The following KNDC1 variants were observed in gnomAD, a reference collection of about 807,000 sequenced individuals.
KNDC1 encodes kinase non-catalytic C-lobe domain-containing protein 1.
Under a neutral mutation model 172.8 loss-of-function variants are expected in KNDC1, and 106 were observed. The ratio of observed to expected loss-of-function variants is 0.61; its 90% CI spans 0.52 to 0.72. The LOEUF is 0.72. Ranked by LOEUF, KNDC1 falls within the 30% of genes least tolerant of loss-of-function variation. The pLI is 0.00. For missense variants in KNDC1, 2,325 were observed against 2,394.5 expected, an observed-to-expected ratio of 0.97 and a Z score of 0.61; for synonymous variants, 1,083 against 1,062.2, an observed-to-expected ratio of 1.02 and a Z score of -0.38.
chr10:133,170,705 A>C (rs1484039805), intron 3 of KNDC1, among the ~76,000 whole-genome samples: 1 of 152,254 alleles, frequency 6.6e-6, no homozygotes. Flanking sequence ...TTTTCTTTCC[A>C]AAATTAGTGA....
At chr10:133,204,663 A>G (rs1854473838) in intron 17 of KNDC1, among the ~76,000 whole-genome samples, 1 of 152,330 alleles carries the variant, frequency 6.6e-6, no homozygotes, top group Admixed American at 6.5e-5. Flanking sequence ...TGTCGCCTGC[A>G]TTTTTTTATT....
chr10:133,212,975 A>G, intron 24 of KNDC1, 53 bp downstream of exon 24: 2 of 1,504,918 alleles, frequency 1.3e-6, no homozygotes, highest in Non-Finnish European at 1.8e-6. Context: ...GGGCCCCAGA[A>G]ACACTCCGCG....
chr10:133,201,698 G>T lies in KNDC1; in HGVS notation c.3187G>T (p.Val1063Leu), dbSNP rs143711041. Residue 1063 changes from valine to leucine, a missense_variant, in exon 17 of 30, where the codon GTG becomes TTG. Val to Leu is a conservative substitution (Grantham distance 32). Coordinates refer to ENST00000304613, the MANE Select transcript of KNDC1 (RefSeq NM_152643.8). ...DRRPAGGASDVEAVTRLARSK... is the reference protein window; with the variant it reads ...DRRPAGGASDLEAVTRLARSK... The stretch of plus-strand genomic sequence containing the variant: ...ACGGCCAGCTGGCGGGGCCTCAGAC[G>T]TGGAGGCAGTGACCCGACTGGCCAG... The T allele has an allele frequency of 6.8e-6, 11 of 1,611,424 alleles. No individual in the cohort carries two copies. The highest frequency in any genetic ancestry group is 1.3e-5 in the African/African-American group (1 of 74,920).
intron 20 of KNDC1, among the ~76,000 whole-genome samples, chr10:133,208,158 G>T (rs1845254303): frequency 6.6e-6 from 1 of 152,154 alleles, no homozygotes; most frequent in Non-Finnish European, 1.5e-5. Context: ...GGACAGCAGG[G>T]AGCCAGGGCT....
At chr10:133,167,075 G>A (rs961935717) in intron 1 of KNDC1, 129 of 450,696 alleles carry the variant, frequency 2.9e-4, no homozygotes, top group Non-Finnish European at 4.5e-4. Context: ...GGTGCTCCAC[G>A]GAGCAGGTGA....
chr10:133,219,610 C>T (rs962705886), intron 28 of KNDC1, among the ~76,000 whole-genome samples: 9 of 152,210 alleles, frequency 5.9e-5, no homozygotes, highest in African/African-American at 2.2e-4. Flanking sequence ...AGACACGGGG[C>T]CCTGCTCTGG....
intron 17 of KNDC1, among the ~76,000 whole-genome samples, chr10:133,203,699 G>A (rs1854443114): frequency 6.6e-6 from 1 of 152,238 alleles, no homozygotes; most frequent in Non-Finnish European, 1.5e-5. Flanking sequence ...CAGCACTGGT[G>A]TGGGTTCCTC....
At chr10:133,182,512 C>G (rs1853748030) in intron 3 of KNDC1, among the ~76,000 whole-genome samples, 1 of 152,212 alleles carries the variant, frequency 6.6e-6, no homozygotes, top group Admixed American at 6.5e-5. Flanking sequence ...CTGAGCCGCT[C>G]TGCGTTCTGC....
chr10:133,202,511 A>T, intron 17 of KNDC1: 1 of 422,570 alleles, frequency 2.4e-6, no homozygotes, highest in South Asian at 1.7e-5. Flanking sequence ...CCTGGGCTGC[A>T]TTCTCGAGAG....
chr10:133,167,714 CT>C (rs1853220023), intron 2 of KNDC1, 135 bp downstream of exon 2: 1 of 1,002,962 alleles, frequency 1.0e-6, no homozygotes, highest in Admixed American at 2.2e-5. Flanking sequence ...TGGAGACCTT[CT>C]CTTCCTTGGG....
chr10:133,215,698 G>A lies in KNDC1; in HGVS notation c.4677+1576G>A, dbSNP rs11813972. 8.5e-3 allele frequency among the ~76,000 whole-genome samples: 1,296 copies of A among 152,364 alleles called. 12 individuals are homozygous for A. The highest frequency in any genetic ancestry group is 0.026 in the African/African-American group (1,067 of 41,590). On this transcript the variant is annotated intron_variant, in intron 26 of 29. Transcript: ENST00000304613. ...CACCCTCACCCCGAGCTGCCCCAGC[G>A]GGTGGAGGACTGCCCCTCCCAGCCT... is the stretch of plus-strand genomic sequence containing the variant.
intron 3 of KNDC1, chr10:133,174,193 A>C (rs1853459275): frequency 6.6e-6 from 1 of 152,318 alleles, no homozygotes. Context: ...CTGGGACATG[A>C]GAATGGGGCC....
intron 9 of KNDC1, among the ~76,000 whole-genome samples, chr10:133,194,968 A>G (rs954342295): frequency 1.3e-5 from 2 of 152,244 alleles, no homozygotes; most frequent in Non-Finnish European, 2.9e-5. Flanking sequence ...GAATTCCAGC[A>G]TGGGTCTGTC....
chr10:133,167,851 C>G lies in KNDC1; in HGVS notation c.301+272C>G, dbSNP rs1006889281. ...CTGAGCCCCCTCCGCTCAGGACTTC[C>G]CCTAAGGGCAGGCTATGCCCCTCTT... On this transcript the variant is annotated intron_variant, in intron 2 of 29. Coordinates refer to ENST00000304613, the MANE Select transcript of KNDC1 (RefSeq NM_152643.8). Among the ~76,000 whole-genome samples, 8 of 152,324 alleles carry G rather than the reference C, an allele frequency of 5.3e-5. No homozygotes were observed. In the South Asian group the frequency reaches 1.7e-3, roughly 32 times the overall value.
At chr10:133,181,933 A>C (rs4838705) in intron 3 of KNDC1, among the ~76,000 whole-genome samples, 2 of 151,904 alleles carry the variant, frequency 1.3e-5, no homozygotes, top group Middle Eastern at 3.4e-3. Flanking sequence ...TGCTGGGTGC[A>C]CCTGGTTTCT....
chr10:133,197,537 C>T (rs935529284), intron 11 of KNDC1, 138 bp from the exon 12 acceptor site: 20 of 721,250 alleles, frequency 2.8e-5, no homozygotes, highest in African/African-American at 2.5e-4. Context: ...GAGCTTGGGC[C>T]GTGTGGCCGC....
Position 133,209,365 on chromosome 10 carries a change from T to G in KNDC1, c.3795-1246T>G, listed in dbSNP as rs1159816202. The stretch of plus-strand genomic sequence containing the variant: ...GTGTGGGGTATAGTGTGTGCACATG[T>G]GGTGTGAGGTATAGTGTGGCATGTG... On this transcript the variant is annotated intron_variant, in intron 20 of 29. Coordinates refer to ENST00000304613, the MANE Select transcript of KNDC1 (RefSeq NM_152643.8). This position sits in a 1 kb window ranked among gnomAD's most constrained non-coding sequence, Gnocchi z 4.9. Among the ~76,000 whole-genome samples, 2 of 149,794 alleles carry G rather than the reference T, an allele frequency of 1.3e-5. No homozygotes were observed. Among genetic ancestry groups the G allele is most frequent in the Non-Finnish European group, 3.0e-5 (2 of 67,752 alleles).
chr10:133,211,651 A>G (rs1052429006), intron 22 of KNDC1, 28 bp from the exon 23 acceptor site: 37 of 1,586,184 alleles, frequency 2.3e-5, no homozygotes, highest in Non-Finnish European at 3.1e-5. Context: ...GGTGGCAGTG[A>G]CCCCCCCACC....
rs960902476 is a variant in KNDC1, at chr10:133,163,158, G to A, written c.102+2589G>A. The stretch of plus-strand genomic sequence containing the variant: ...TGCAGAAGAGGCACACAGTCCAGGC[G>A]GCTGGAGTCGATGGATGGGCAATGC... On this transcript the variant is annotated intron_variant, in intron 1 of 29. Coordinates refer to ENST00000304613, the MANE Select transcript of KNDC1 (RefSeq NM_152643.8). This position sits in a 1 kb window ranked among gnomAD's most constrained non-coding sequence, Gnocchi z 4.4. 6.6e-5 allele frequency among the ~76,000 whole-genome samples: 10 copies of A among 152,194 alleles called. No individual in the cohort carries two copies. The highest frequency in any genetic ancestry group is 2.1e-4 in the South Asian group (1 of 4,830).
Sources: gnomAD v4.1 joint callset for allele counts (sites outside exome capture counted in the v4.1 genomes callset) on GRCh38, gnomAD v4.1.1 for gene constraint, Gnocchi (gnomAD v3.1) non-coding constraint, MANE v1.5 for transcripts, NCBI Gene and HGNC (gene_info 2026-07-23, HGNC 2026-07-21) for gene names.